RYR2: variants seen among roughly 807,000 people sequenced by gnomAD.
The protein encoded by RYR2 is ryanodine receptor 2, also known as cardiac muscle ryanodine receptor-calcium release channel.
A neutral mutation model predicts 601.1 loss-of-function variants in RYR2; 227 were observed. That is an observed-to-expected ratio of 0.38 (90% CI 0.34 to 0.42). The LOEUF is 0.42. RYR2 is among the 10% of genes least tolerant of loss of function. RYR2 has a pLI of 1.00. For synonymous variants in RYR2, 2,223 were observed against 2,175.1 expected, an observed-to-expected ratio of 1.02 and a Z score of -0.61; for missense variants, 4,646 against 6,156.5, an observed-to-expected ratio of 0.75 and a Z score of 8.21.
chr1:237,287,923 C>T (rs1047188577), intron 2 of RYR2, among the ~76,000 whole-genome samples: 3 of 152,030 alleles, frequency 2.0e-5, no homozygotes, highest in African/African-American at 7.2e-5. Context: ...TTTCTGGTTC[C>T]GTCTCATTTG....
chr1:237,598,756 A>G (rs1384162038), intron 34 of RYR2, among the ~76,000 whole-genome samples: 3 of 152,292 alleles, frequency 2.0e-5, no homozygotes, highest in African/African-American at 7.2e-5. Flanking sequence ...CACAAATACA[A>G]GAACAAACTA....
At chr1:237,117,690 C>G in intron 1 of RYR2, among the ~76,000 whole-genome samples, 1 of 81,788 alleles carries the variant, frequency 1.2e-5, no homozygotes, top group South Asian at 4.4e-4. Context: ...CTCTTCTCTT[C>G]TCTTCTCTTC....
At chr1:237,778,851 A>T (rs1694872341) in intron 88 of RYR2, 81 bp downstream of exon 88, 1 of 687,600 alleles carries the variant, frequency 1.5e-6, no homozygotes, top group African/African-American at 1.8e-5. Flanking sequence ...ATGCTTTTTG[A>T]TGTTAGAATA....
At chr1:237,463,052 T>C (rs1252974985) in intron 16 of RYR2, among the ~76,000 whole-genome samples, 1 of 152,210 alleles carries the variant, frequency 6.6e-6, no homozygotes, top group Non-Finnish European at 1.5e-5. Flanking sequence ...GATTCTTCAG[T>C]ACATTCTGAA....
At chr1:237,553,509 C>T (rs953122617) in intron 27 of RYR2, among the ~76,000 whole-genome samples, 1 of 151,922 alleles carries the variant, frequency 6.6e-6, no homozygotes, top group African/African-American at 2.4e-5. Context: ...AGTCTTCCAA[C>T]TTCTTTCATA....
At chr1:237,669,602 ACTT>A (rs1684692540) in intron 58 of RYR2, among the ~76,000 whole-genome samples, 1 of 149,940 alleles carries the variant, frequency 6.7e-6, no homozygotes, top group African/African-American at 2.5e-5. Flanking sequence ...GGGTCTCCTC[ACTT>A]CTCAGACGGG....
At chr1:237,269,917 A>G (rs1320860792) in intron 1 of RYR2, among the ~76,000 whole-genome samples, 1 of 152,194 alleles carries the variant, frequency 6.6e-6, no homozygotes, top group Non-Finnish European at 1.5e-5. Flanking sequence ...CAGAGGACTG[A>G]AATAAATTGT....
At chr1:237,096,645 G>A (rs941857821) in intron 1 of RYR2, among the ~76,000 whole-genome samples, 5 of 152,062 alleles carry the variant, frequency 3.3e-5, no homozygotes, top group Admixed American at 6.6e-5. Context: ...TGGCTTTTAG[G>A]CTAAGCCATT....
At chr1:237,237,988 A>C (rs1253616711) in intron 1 of RYR2, among the ~76,000 whole-genome samples, 1 of 8,168 alleles carries the variant, frequency 1.2e-4, no homozygotes, top group African/African-American at 1.6e-4. Context: ...TTTCCTTTCC[A>C]ACAGGGTTTT....
intron 38 of RYR2, among the ~76,000 whole-genome samples, chr1:237,623,432 C>T (rs576286029): frequency 1.9e-3 from 189 of 97,194 alleles, no homozygotes; most frequent in African/African-American, 6.2e-3. Context: ...ACTGTGTCGC[C>T]GCCCAGGCTG....
intron 1 of RYR2, among the ~76,000 whole-genome samples, chr1:237,132,203 G>A (rs1315068337): frequency 6.6e-6 from 1 of 152,206 alleles, no homozygotes; most frequent in African/African-American, 2.4e-5. Flanking sequence ...ACTATGTAAT[G>A]AGGACACTCA....
At chr1:237,270,842 G>A (rs772659679) in intron 2 of RYR2, among the ~76,000 whole-genome samples, 1 of 152,202 alleles carries the variant, frequency 6.6e-6, no homozygotes, top group Non-Finnish European at 1.5e-5. Flanking sequence ...CTTGCCCCAT[G>A]AGGTTTATAT....
intron 42 of RYR2, 86 bp downstream of exon 42, chr1:237,631,627 T>TA: frequency 2.1e-6 from 1 of 468,306 alleles, no homozygotes; most frequent in Non-Finnish European, 3.2e-6. Context: ...TTTTTTTTTT[T>TA]TTTTTTTTTT....
chr1:237,115,686 G>A (rs960688633), intron 1 of RYR2, among the ~76,000 whole-genome samples: 6 of 152,162 alleles, frequency 3.9e-5, no homozygotes, highest in African/African-American at 1.4e-4. Context: ...CAAAATAGAC[G>A]CGTGAAGGTA....
At chr1:237,067,662 C>T (rs756851977) in intron 1 of RYR2, among the ~76,000 whole-genome samples, 7 of 152,022 alleles carry the variant, frequency 4.6e-5, no homozygotes, top group African/African-American at 9.7e-5. Flanking sequence ...AAAATTTCAC[C>T]GGGGTTTCGA....
intron 1 of RYR2, among the ~76,000 whole-genome samples, chr1:237,086,313 T>C (rs1666325713): frequency 6.6e-6 from 1 of 152,136 alleles, no homozygotes; most frequent in Non-Finnish European, 1.5e-5. Flanking sequence ...TCCTAATCTC[T>C]TCTTCTTCTA....
chr1:237,137,377 G>A (rs1672909703), intron 1 of RYR2, among the ~76,000 whole-genome samples: 1 of 152,242 alleles, frequency 6.6e-6, no homozygotes, highest in South Asian at 2.1e-4. Context: ...AAGCATGGGG[G>A]CATAACAGTG....
chr1:237,364,459 G>A (rs1416684527), intron 5 of RYR2, 87 bp downstream of exon 5: 4 of 626,992 alleles, frequency 6.4e-6, no homozygotes, highest in Non-Finnish European at 7.9e-6. Context: ...CTGCATATTA[G>A]TATAGCTGTA....
intron 1 of RYR2, among the ~76,000 whole-genome samples, chr1:237,146,322 C>A (rs1006377602): frequency 2.0e-5 from 3 of 152,284 alleles, no homozygotes; most frequent in East Asian, 3.9e-4. Context: ...AGTCAACTAT[C>A]TAATGAACAC....
Sources: allele counts gnomAD v4.1 joint callset (sites outside exome capture counted in the v4.1 genomes callset), GRCh38; gene constraint gnomAD v4.1.1; transcripts MANE v1.5; gene names NCBI Gene and HGNC (gene_info 2026-07-23, HGNC 2026-07-21).